Variants in LUZP2 observed in about 807,000 individuals in gnomAD.
LUZP2 encodes the protein leucine zipper protein 2.
In LUZP2, 52 loss-of-function variants were observed where a neutral mutation model predicts 51.6. That is an observed-to-expected ratio of 1.01 (90% CI 0.81 to 1.27). The LOEUF is 1.27. LUZP2 is among the 50% of genes most tolerant of loss of function. LUZP2 has a pLI of 0.00. For synonymous variants in LUZP2, 154 were observed against 137.3 expected (o/e 1.12, Z -0.85); for missense variants, 436 against 395.4 (o/e 1.10, Z -0.87).
intron 3 of LUZP2, among the ~76,000 whole-genome samples, chr11:24,734,248 G>A (rs1217560099): frequency 2.7e-5 from 2 of 75,002 alleles, no homozygotes; most frequent in African/African-American, 5.7e-5. Flanking sequence ...ACTACAGGAG[G>A]GACGCGGATG....
intron 1 of LUZP2, among the ~76,000 whole-genome samples, chr11:24,678,920 T>A (rs913013499): frequency 6.6e-6 from 1 of 152,254 alleles, no homozygotes; most frequent in African/African-American, 2.4e-5. Flanking sequence ...CGTCCAGGCA[T>A]CCAAGCCTGC....
chr11:24,689,544 A>G (rs1335210859), intron 1 of LUZP2, among the ~76,000 whole-genome samples: 2 of 152,060 alleles, frequency 1.3e-5, no homozygotes, highest in African/African-American at 4.8e-5. Context: ...GCTGTGACCA[A>G]TTTCTATTTT....
chr11:24,891,146 A>T, intron 5 of LUZP2: 3 of 984,920 alleles, frequency 3.0e-6, no homozygotes, highest in Non-Finnish European at 3.6e-6. Flanking sequence ...TTCCCCTAAA[A>T]TTGACAAAAG....
intron 1 of LUZP2, among the ~76,000 whole-genome samples, chr11:24,574,289 CTTTCTTTCT>C (rs1590197883): frequency 1.4e-5 from 1 of 70,034 alleles, no homozygotes; most frequent in Admixed American, 2.2e-4. Flanking sequence ...TCTTTCTTTC[CTTTCTTTCT>C]TTCTTTTTCT....
rs372503952 is a variant in LUZP2, at chr11:25,049,206, T to G, written c.766-832T>G. Among the ~76,000 whole-genome samples the G allele has an allele frequency of 9.7e-4, 147 of 152,276 alleles. 3 individuals are homozygous for G. In the South Asian group the frequency reaches 0.03, roughly 31 times the overall value. On this transcript the variant is annotated intron_variant, in intron 9 of 11. Transcript: ENST00000336930. ...ATAGAAACCTAATTTCTTCCTCTCC[T>G]GTGAAGCAGTGTGATCAAAGTCTCA...
chr11:24,556,244 C>T (rs537292823), intron 1 of LUZP2, among the ~76,000 whole-genome samples: 4 of 152,180 alleles, frequency 2.6e-5, no homozygotes, highest in Non-Finnish European at 5.9e-5. Flanking sequence ...GTTTTTATTA[C>T]GTTGAAAGTT....
At chr11:24,602,345 T>G in intron 1 of LUZP2, among the ~76,000 whole-genome samples, 1 of 141,844 alleles carries the variant, frequency 7.1e-6, no homozygotes, top group East Asian at 2.0e-4. Flanking sequence ...TACATATATA[T>G]GTATAAATCT....
At chr11:24,559,686 A>C (rs2133768516) in intron 1 of LUZP2, among the ~76,000 whole-genome samples, 1 of 152,324 alleles carries the variant, frequency 6.6e-6, no homozygotes, top group South Asian at 2.1e-4. Flanking sequence ...TTTTCTGAAA[A>C]ATGAATATGG....
chr11:24,867,063 G>T (rs1400540002), intron 5 of LUZP2, among the ~76,000 whole-genome samples: 1 of 152,120 alleles, frequency 6.6e-6, no homozygotes, highest in Non-Finnish European at 1.5e-5. Context: ...TGAAGCATTA[G>T]CAGGCAACCC....
chr11:24,770,835 G>A (rs1292306803), intron 5 of LUZP2, among the ~76,000 whole-genome samples: 1 of 152,096 alleles, frequency 6.6e-6, no homozygotes, highest in Non-Finnish European at 1.5e-5. Context: ...CTTATAGGTT[G>A]TACCTTAGAA....
At chr11:24,996,391 C>A (rs1309904384) in intron 9 of LUZP2, among the ~76,000 whole-genome samples, 4 of 151,320 alleles carry the variant, frequency 2.6e-5, no homozygotes, top group African/African-American at 9.7e-5. Flanking sequence ...TAGAATGGAT[C>A]TAATGTAGCC....
intron 5 of LUZP2, among the ~76,000 whole-genome samples, chr11:24,833,860 C>A (rs1850780577): frequency 6.6e-6 from 1 of 152,170 alleles, no homozygotes; most frequent in Admixed American, 6.5e-5. Context: ...TCACTTCCTT[C>A]CCCAAACACA....
At chr11:24,835,474 T>G (rs1343340847) in intron 5 of LUZP2, among the ~76,000 whole-genome samples, 1 of 152,082 alleles carries the variant, frequency 6.6e-6, no homozygotes, top group East Asian at 1.9e-4. Flanking sequence ...CTAATTAAAT[T>G]AAAGAGCTTC....
intron 5 of LUZP2, among the ~76,000 whole-genome samples, chr11:24,797,811 A>T (rs1281448573): frequency 1.3e-5 from 2 of 152,192 alleles, no homozygotes; most frequent in African/African-American, 2.4e-5. Flanking sequence ...GTTCTTTTAT[A>T]AATCTGCTGG....
chr11:24,870,496 C>CACACACAG (rs1565025103), intron 5 of LUZP2, among the ~76,000 whole-genome samples: 1 of 151,302 alleles, frequency 6.6e-6, no homozygotes, highest in African/African-American at 2.4e-5. Context: ...CACAGACACA[C>CACACACAG]ACACACACAC....
intron 9 of LUZP2, among the ~76,000 whole-genome samples, chr11:24,996,762 C>T (rs1305644371): frequency 6.6e-6 from 1 of 151,956 alleles, no homozygotes; most frequent in Non-Finnish European, 1.5e-5. Flanking sequence ...AAAGCTATCC[C>T]TCCCCCTCTC....
At chr11:25,062,529 A>G (rs1049859525) in intron 10 of LUZP2, among the ~76,000 whole-genome samples, 1 of 146,216 alleles carries the variant, frequency 6.8e-6, no homozygotes. Context: ...GGTTGAGGCT[A>G]CAGTGAGCTA....
intron 5 of LUZP2, chr11:24,832,097 C>G (rs1431955009): frequency 6.6e-6 from 1 of 152,156 alleles, no homozygotes; most frequent in African/African-American, 2.4e-5. Context: ...ACTTTTACTT[C>G]TATAAAATTG....
intron 1 of LUZP2, among the ~76,000 whole-genome samples, chr11:24,636,273 A>G (rs1015998208): frequency 2.0e-5 from 3 of 152,114 alleles, no homozygotes; most frequent in African/African-American, 7.2e-5. Flanking sequence ...TATCAATACT[A>G]CTTTTCAACA....
Sources: allele counts gnomAD v4.1 joint callset (sites outside exome capture counted in the v4.1 genomes callset), GRCh38; gene constraint gnomAD v4.1.1; transcripts MANE v1.5; gene names NCBI Gene and HGNC (gene_info 2026-07-23, HGNC 2026-07-21).